DEPDC5: variants seen among roughly 807,000 people sequenced by gnomAD.
The protein encoded by DEPDC5 is GATOR1 complex protein DEPDC5.
Under a neutral mutation model 217.3 loss-of-function variants are expected in DEPDC5, and 73 were observed. That is an observed-to-expected ratio of 0.34 (90% CI 0.28 to 0.41). The LOEUF (loss-of-function observed/expected upper bound fraction) is 0.41. Among genes scored for constraint, DEPDC5 ranks in the 10% least tolerant of loss-of-function variants. The probability of loss-of-function intolerance (pLI) is 1.00; values close to 1 mark genes in which losing one functional copy is unlikely to be tolerated. For synonymous variants in DEPDC5, 733 were observed against 756.7 expected (o/e 0.97, Z 0.51); for missense variants, 1,675 against 2,070.1 (o/e 0.81, Z 3.70).
At position 31,837,146 on chromosome 22, in the gene DEPDC5, A is replaced by C. The variant is rs2091064179; in HGVS notation, c.2345A>C (p.Asp782Ala). 6.2e-7 allele frequency: 1 copy of C among 1,614,150 alleles called. No individual in the cohort carries two copies. Among genetic ancestry groups the C allele is most frequent in the Non-Finnish European group, 8.5e-7 (1 of 1,180,012 alleles). The change falls in exon 26 of 43, where the codon GAC becomes GCC. Residue 782 changes from aspartate to alanine, a missense_variant. Asp to Ala is a moderately radical substitution (Grantham distance 126, BLOSUM62 -2). Transcript: ENST00000651528. ...TGTTATGATCTCCTTCCAGAAGCAG[A>C]CATCGACAGGTCAGTGTCAGAGAAA... Reference protein sequence around the residue: ...EGCYDLLPEADIDRRDEDGVQ... With the variant: ...EGCYDLLPEAAIDRRDEDGVQ...
At chr22:31,853,786 A>G (rs1188685360) in intron 31 of DEPDC5, among the ~76,000 whole-genome samples, 1 of 152,102 alleles carries the variant, frequency 6.6e-6, no homozygotes, top group African/African-American at 2.4e-5. Flanking sequence ...TTCTGTTCCT[A>G]TTAGATGAGG....
At chr22:31,782,801 T>C (rs2084584117) in intron 8 of DEPDC5, among the ~76,000 whole-genome samples, 1 of 152,224 alleles carries the variant, frequency 6.6e-6, no homozygotes. Context: ...TGTTTTTATC[T>C]TGTACTGTAA....
At chr22:31,792,165 C>G in intron 11 of DEPDC5, 63 bp downstream of exon 11, 3 of 1,222,344 alleles carry the variant, frequency 2.5e-6, no homozygotes, top group Non-Finnish European at 2.4e-6. Context: ...CCCACCCCAG[C>G]CATTTCCTTT....
chr22:31,798,507 G>A, intron 13 of DEPDC5, 75 bp from the exon 14 acceptor site: 1 of 1,336,760 alleles, frequency 7.5e-7, no homozygotes, highest in East Asian at 2.8e-5. Context: ...GACACAGCAA[G>A]GCTTCGTTTA....
chr22:31,877,471 G>T (rs558308611), intron 37 of DEPDC5, among the ~76,000 whole-genome samples: 1 of 120,150 alleles, frequency 8.3e-6, no homozygotes, highest in African/African-American at 3.4e-5. Context: ...AAAAAAACAG[G>T]CCGGGCACAG....
intron 4 of DEPDC5, among the ~76,000 whole-genome samples, chr22:31,762,442 GA>G (rs933537804): frequency 1.6e-4 from 25 of 152,078 alleles, no homozygotes; most frequent in Admixed American, 8.5e-4. Context: ...GTTCTTAAGA[GA>G]AAAAAACAAA....
chr22:31,901,394 T>C (rs1034077509), intron 40 of DEPDC5, among the ~76,000 whole-genome samples: 3 of 152,178 alleles, frequency 2.0e-5, no homozygotes, highest in Non-Finnish European at 4.4e-5. Context: ...TTACAGTTTA[T>C]CTTCTGTTTG....
At chr22:31,887,327 G>A (rs2093340065) in intron 38 of DEPDC5, among the ~76,000 whole-genome samples, 1 of 147,478 alleles carries the variant, frequency 6.8e-6, no homozygotes, top group African/African-American at 2.5e-5. Context: ...GCTGAAGCAG[G>A]AGAATTGCTT....
chr22:31,841,824 G>C (rs1240953715), intron 27 of DEPDC5, among the ~76,000 whole-genome samples: 3 of 152,166 alleles, frequency 2.0e-5, no homozygotes, highest in Non-Finnish European at 2.9e-5. Context: ...TTTTCCTTTT[G>C]ATTTAGTTCT....
chr22:31,787,492 G>A (rs1569520591), intron 10 of DEPDC5, among the ~76,000 whole-genome samples: 1 of 152,104 alleles, frequency 6.6e-6, no homozygotes, highest in African/African-American at 2.4e-5. Context: ...AAAAACTTTT[G>A]TGCATCAACG....
chr22:31,754,188 A>C (rs1425320634), intron 1 of DEPDC5, 24 bp downstream of exon 1: 2 of 153,548 alleles, frequency 1.3e-5, no homozygotes, highest in African/African-American at 2.4e-5. Flanking sequence ...CCCGCCCCGG[A>C]CTGGGGATTG....
chr22:31,764,083 C>T (rs1019757292), intron 4 of DEPDC5, among the ~76,000 whole-genome samples: 4 of 152,132 alleles, frequency 2.6e-5, no homozygotes, highest in Non-Finnish European at 4.4e-5. Flanking sequence ...GTGCGCACCA[C>T]GACACCTGGC....
chr22:31,802,574 T>C (rs1231769063), intron 14 of DEPDC5, 130 bp from the exon 15 acceptor site: 1 of 1,079,870 alleles, frequency 9.3e-7, no homozygotes, highest in East Asian at 2.8e-5. Context: ...CGTATACATT[T>C]AACTAGAATG....
At chr22:31,783,155 T>C (rs567923188) in intron 8 of DEPDC5, among the ~76,000 whole-genome samples, 90 of 152,106 alleles carry the variant, frequency 5.9e-4, no homozygotes, top group Non-Finnish European at 1.1e-3. Flanking sequence ...CAATCAGCGC[T>C]CTGTAAAATG....
At chr22:31,852,047 G>A (rs1218829705) in intron 31 of DEPDC5, among the ~76,000 whole-genome samples, 5 of 152,118 alleles carry the variant, frequency 3.3e-5, no homozygotes, top group African/African-American at 4.8e-5. Context: ...GCCTAGAGTG[G>A]TGGTGAATGC....
chr22:31,778,276 T>C, intron 8 of DEPDC5, 108 bp downstream of exon 8: 1 of 1,117,378 alleles, frequency 8.9e-7, no homozygotes, highest in South Asian at 1.3e-5. Flanking sequence ...GGTGGGCAGA[T>C]TGCTTTATCC....
intron 21 of DEPDC5, 72 bp from the exon 22 acceptor site, chr22:31,818,950 A>G (rs1171177837): frequency 1.3e-6 from 2 of 1,528,010 alleles, no homozygotes; most frequent in Non-Finnish European, 1.8e-6. Context: ...TTGGTTTATC[A>G]TTCTACCTAG....
At chr22:31,842,974 C>A in intron 27 of DEPDC5, 121 bp from the exon 28 acceptor site, 1 of 709,744 alleles carries the variant, frequency 1.4e-6, no homozygotes, top group Non-Finnish European at 2.2e-6. Context: ...AACTTTCTTC[C>A]ATGAAACTGC....
At chr22:31,808,169 C>T (rs2087782238) in intron 18 of DEPDC5, among the ~76,000 whole-genome samples, 1 of 151,114 alleles carries the variant, frequency 6.6e-6, no homozygotes, top group Non-Finnish European at 1.5e-5. Context: ...GATCTCGGCT[C>T]ACTGCAACCT....
Sources: allele counts gnomAD v4.1 joint callset (sites outside exome capture counted in the v4.1 genomes callset), GRCh38; gene constraint gnomAD v4.1.1; transcripts MANE v1.5; gene names NCBI Gene and HGNC (gene_info 2026-07-23, HGNC 2026-07-21).